The following NUP160 variants were observed in gnomAD, a reference collection of about 807,000 sequenced individuals.
The protein encoded by NUP160 is nuclear pore complex protein Nup160.
Under a neutral mutation model 196.9 loss-of-function variants are expected in NUP160, and 94 were observed. That is an observed-to-expected ratio of 0.48 (90% confidence interval 0.40 to 0.57). NUP160 has a LOEUF of 0.57. NUP160 is among the 20% of genes least tolerant of loss of function. The probability of loss-of-function intolerance (pLI) is 0.00; values close to 1 mark genes in which losing one functional copy is unlikely to be tolerated. For missense variants in NUP160, 1,638 were observed against 1,748.3 expected (o/e 0.94, Z 1.13); for synonymous variants, 605 against 619.7 (o/e 0.98, Z 0.35).
At chr11:47,814,070 C>CAAAAAAA in intron 13 of NUP160, among the ~76,000 whole-genome samples, 1 of 39,862 alleles carries the variant, frequency 2.5e-5, no homozygotes, top group Non-Finnish European at 4.5e-5. Context: ...GACTCTGTCT[C>CAAAAAAA]AAAAAAAAAA....
At chr11:47,845,080 C>T (rs981391279) in intron 2 of NUP160, among the ~76,000 whole-genome samples, 2 of 152,216 alleles carry the variant, frequency 1.3e-5, no homozygotes, top group African/African-American at 2.4e-5. Flanking sequence ...CAAGAAATAA[C>T]CATAAAAATG....
chr11:47,836,317 A>C (rs2135399003), intron 6 of NUP160, among the ~76,000 whole-genome samples: 1 of 152,328 alleles, frequency 6.6e-6, no homozygotes, highest in East Asian at 1.9e-4. Flanking sequence ...ACATAAGATC[A>C]GACTTATATA....
intron 3 of NUP160, 76 bp downstream of exon 3, chr11:47,840,302 G>A (rs1852269911): frequency 7.7e-7 from 1 of 1,298,602 alleles, no homozygotes; most frequent in Admixed American, 1.7e-5. Context: ...AATTCCAAAA[G>A]ACATCGCTCC....
At chr11:47,811,299 A>C (rs1202855085) in intron 17 of NUP160, among the ~76,000 whole-genome samples, 1 of 152,092 alleles carries the variant, frequency 6.6e-6, no homozygotes, top group Non-Finnish European at 1.5e-5. Flanking sequence ...ACCTGATGTC[A>C]GGAGTTTAAG....
chr11:47,807,616 G>A (rs1223551065), intron 18 of NUP160, among the ~76,000 whole-genome samples: 3 of 151,876 alleles, frequency 2.0e-5, no homozygotes, highest in South Asian at 2.1e-4. Context: ...GCAGTGAGCC[G>A]AGATCGCACC....
Position 47,788,159 on chromosome 11 carries a change from TA to T in NUP160, c.3746+22del, listed in dbSNP as rs545915037. 319 of 1,592,908 alleles carry T rather than the reference TA, an allele frequency of 2.0e-4. No homozygotes were observed. In the African/African-American group the frequency reaches 3.0e-3, roughly 15 times the overall value. On this transcript the variant is annotated intron_variant, in intron 31 of 35. Transcript: ENST00000378460. ...AATATATTTGCATTAGAAAAGACTATAAAAAAATAATTTTATACATACTTGA... is the reference window on the plus strand; with the variant it reads ...AATATATTTGCATTAGAAAAGACTATAAAAAATAATTTTATACATACTTGA...
Position 47,833,707 on chromosome 11 carries a change from T to C in NUP160, c.1101+1944A>G, listed in dbSNP as rs777064882. ...GCCTGAGGCTGCTCTCCTTAGAAAG[T>C]CTTGCTTGTACTCTGGGAGGCCGAA... On this transcript the variant is annotated intron_variant, in intron 7 of 35. Transcript: ENST00000378460. Among the ~76,000 whole-genome samples the C allele has an allele frequency of 1.0e-3, 159 of 152,050 alleles. 3 individuals are homozygous for C. Among genetic ancestry groups the C allele is most frequent in the Non-Finnish European group, 3.8e-4 (26 of 68,000 alleles).
chr11:47,780,350 T>G (rs369775352), exon 35 of NUP160: 1 of 1,610,948 alleles, frequency 6.2e-7, no homozygotes, highest in Non-Finnish European at 8.5e-7. Context: ...TACTGCGATG[T>G]TGTGACTGTT....
rs558729030 is a variant in NUP160 at position 47,799,917 on chromosome 11, T to A, written c.2896-1454A>T. 2.0e-5 allele frequency among the ~76,000 whole-genome samples: 3 copies of A among 152,254 alleles called. No individual in the cohort carries two copies. In the East Asian group the frequency reaches 5.8e-4, roughly 29 times the overall value. ...GCATGTATCGCTCACGTGTTTGTGG[T>A]GATGCTGGTGTAAACAAACCTACTG... On this transcript the variant is annotated intron_variant, in intron 23 of 35. Coordinates refer to ENST00000378460, the Ensembl canonical transcript of NUP160.
rs188598280 is a variant in NUP160, at chr11:47,813,003, G to A, written c.1831C>T (p.Arg611Trp). The stretch of plus-strand genomic sequence containing the variant: ...ACAGTTACTGACTCTTCAATCAGCC[G>A]GAGGCATTTTATAAGACATATGACA... Residue 611 changes from arginine (R) to tryptophan (W), a missense_variant, in exon 15 of 36, where the codon CGG (arginine) becomes TGG (tryptophan). Physicochemically the swap from Arg to Trp is moderately radical, Grantham distance 101. Coordinates refer to ENST00000378460, the Ensembl canonical transcript of NUP160. 158 of 1,612,048 alleles carry A rather than the reference G, an allele frequency of 9.8e-5. No homozygotes were observed. Among genetic ancestry groups the A allele is most frequent in the Non-Finnish European group, 5.9e-5 (70 of 1,178,548 alleles).
At chr11:47,813,386 G>A (rs1480238130) in exon 14 of NUP160, 2 of 1,612,098 alleles carry the variant, frequency 1.2e-6, no homozygotes, top group African/African-American at 1.3e-5. Context: ...GATCCACTAA[G>A]GATGAGGGAA....
In NUP160 at chr11:47,785,219, C is replaced by T. The variant is rs976616504; in HGVS notation, c.3849-156G>A. Among the ~76,000 whole-genome samples the T allele has an allele frequency of 4.6e-5, 7 of 151,884 alleles. No homozygotes were observed. In the East Asian group the frequency reaches 1.4e-3, roughly 29 times the overall value. On this transcript the variant is annotated intron_variant, in intron 32 of 35. Coordinates refer to ENST00000378460, the Ensembl canonical transcript of NUP160. Reference sequence around the variant, plus strand: ...GGAGTGGTGTGATCTCAGCTCACTGCAGCCTCAGCCCCAGATTCTCCCATT... The same window carrying T: ...GGAGTGGTGTGATCTCAGCTCACTGTAGCCTCAGCCCCAGATTCTCCCATT...
Position 47,797,773 on chromosome 11 carries a change from G to A in NUP160, c.3289+6C>T. On this transcript the variant is annotated splice_donor_region_variant and intron_variant, in intron 27 of 35. Transcript: ENST00000378460. ...CTGCAAGATACTGTCTGGTTACATT[G>A]CTCACCCTTGCGGTAATTGTGGCGA... 6.3e-7 allele frequency: 1 copy of A among 1,594,406 alleles called. No individual in the cohort carries two copies.
At chr11:47,790,420 C>G (rs2097667253) in intron 29 of NUP160, among the ~76,000 whole-genome samples, 1 of 152,060 alleles carries the variant, frequency 6.6e-6, no homozygotes. Context: ...CCACCACACC[C>G]AGCTGATTTT....
At chr11:47,824,784 C>G (rs978500505) in intron 7 of NUP160, among the ~76,000 whole-genome samples, 1 of 151,610 alleles carries the variant, frequency 6.6e-6, no homozygotes, top group Non-Finnish European at 1.5e-5. Context: ...GTAATGCAGG[C>G]ATGTTCTACC....
chr11:47,812,445 C>G lies in NUP160; in HGVS notation c.1953-16G>C. The G allele has an allele frequency of 1.2e-6, 2 of 1,608,172 alleles. No homozygotes were observed. The highest frequency in any genetic ancestry group is 1.7e-6 in the Non-Finnish European group (2 of 1,178,220). On this transcript the variant is annotated splice_polypyrimidine_tract_variant and intron_variant, in intron 15 of 35. Coordinates refer to ENST00000378460, the Ensembl canonical transcript of NUP160. ...CACATTTTCTCTATAAGGACAATTA[C>G]AAAACTCTTATTACTACCGAGAATA... is the stretch of plus-strand genomic sequence containing the variant.
Position 47,792,002 on chromosome 11 carries a change from AAAC to A in NUP160, c.3451-15_3451-13del. 1 of 1,590,588 alleles carries A rather than the reference AAAC, an allele frequency of 6.3e-7. No homozygotes were observed. The highest frequency in any genetic ancestry group is 8.6e-7 in the Non-Finnish European group (1 of 1,164,214). ...CCAGGGCGATCATACTGATAAAACAAAACAAGCAATTTAACTGTGAAAATCAGT... is the reference window on the plus strand; with the variant it reads ...CCAGGGCGATCATACTGATAAAACAAAAGCAATTTAACTGTGAAAATCAGT... On this transcript the variant is annotated splice_polypyrimidine_tract_variant and intron_variant, in intron 28 of 35. Transcript: ENST00000378460.
intron 20 of NUP160, among the ~76,000 whole-genome samples, chr11:47,805,926 G>A (rs1011544850): frequency 7.9e-5 from 12 of 151,762 alleles, no homozygotes; most frequent in African/African-American, 2.7e-4. Flanking sequence ...GTTCAAGCAA[G>A]TCTCAGCCTT....
intron 2 of NUP160, among the ~76,000 whole-genome samples, chr11:47,844,959 C>G (rs1313772248): frequency 6.6e-6 from 1 of 152,190 alleles, no homozygotes; most frequent in East Asian, 1.9e-4. Context: ...CTCACTGCTA[C>G]ACTCCCATCA....
Sources: allele counts gnomAD v4.1 joint callset (sites outside exome capture counted in the v4.1 genomes callset), GRCh38; gene constraint gnomAD v4.1.1; transcripts MANE v1.5; gene names NCBI Gene and HGNC (gene_info 2026-07-23, HGNC 2026-07-21).